ENTREP2: variants seen among roughly 807,000 people sequenced by gnomAD.
ENTREP2 encodes the protein protein ENTREP2.
the ENTREP2 span, chr15:29,234,041 C>T: frequency 4.8e-6 from 7 of 1,460,670 alleles, no homozygotes; most frequent in East Asian, 1.4e-4. Flanking sequence ...AGATCTTCCT[C>T]ATCCTCTATT....
the ENTREP2 span, among the ~76,000 whole-genome samples, chr15:29,356,283 TATATATATATA>T: frequency 3.7e-5 from 2 of 53,872 alleles, no homozygotes; most frequent in African/African-American, 2.0e-4. Flanking sequence ...TATATATATA[TATATATATATA>T]TATTTTTTTT....
chr15:29,486,909 T>C, the ENTREP2 span, among the ~76,000 whole-genome samples: 1 of 151,916 alleles, frequency 6.6e-6, no homozygotes, highest in Non-Finnish European at 1.5e-5. Flanking sequence ...GGGAGGATGA[T>C]GAGAGGTTGG....
At chr15:29,516,832 C>T in the ENTREP2 span, among the ~76,000 whole-genome samples, 2 of 151,792 alleles carry the variant, frequency 1.3e-5, no homozygotes, top group South Asian at 2.1e-4. Context: ...TATCCCTGGG[C>T]GGGCAGCACA....
At chr15:29,640,811 A>G in the ENTREP2 span, among the ~76,000 whole-genome samples, 1 of 152,222 alleles carries the variant, frequency 6.6e-6, no homozygotes, top group Non-Finnish European at 1.5e-5. Flanking sequence ...AGAAGCCAAC[A>G]CTTTCCAACT....
At chr15:29,585,791 A>G in the ENTREP2 span, among the ~76,000 whole-genome samples, 2 of 150,990 alleles carry the variant, frequency 1.3e-5, no homozygotes, top group African/African-American at 2.4e-5. Context: ...AGAAGGCGGA[A>G]CTTGCAGTGA....
the ENTREP2 span, among the ~76,000 whole-genome samples, chr15:29,526,955 CG>C: frequency 6.6e-5 from 10 of 152,122 alleles, no homozygotes; most frequent in South Asian, 2.1e-4. Context: ...CTGTGGAATC[CG>C]GGGGGCACGT....
chr15:29,174,697 C>CAA, the ENTREP2 span, among the ~76,000 whole-genome samples: 1 of 106,052 alleles, frequency 9.4e-6, no homozygotes, highest in Admixed American at 9.5e-5. Flanking sequence ...CTAAACAAAA[C>CAA]AAAACAAAAC....
the ENTREP2 span, among the ~76,000 whole-genome samples, chr15:29,670,971 GA>G: frequency 1.3e-5 from 2 of 152,328 alleles, no homozygotes; most frequent in South Asian, 4.1e-4. Context: ...GCTGGTCCCA[GA>G]AAGACCAAGG....
the ENTREP2 span, among the ~76,000 whole-genome samples, chr15:29,496,118 T>A: frequency 6.6e-6 from 1 of 151,952 alleles, no homozygotes; most frequent in Non-Finnish European, 1.5e-5. Flanking sequence ...AGATCTTGCA[T>A]CTCCTTATTT....
chr15:29,139,613 G>A, the ENTREP2 span, among the ~76,000 whole-genome samples: 1 of 152,222 alleles, frequency 6.6e-6, no homozygotes, highest in African/African-American at 2.4e-5. Flanking sequence ...AGGAGGGGCA[G>A]AGGTGCAAGG....
chr15:29,291,383 G>A, the ENTREP2 span, among the ~76,000 whole-genome samples: 3 of 152,156 alleles, frequency 2.0e-5, no homozygotes, highest in Admixed American at 2.0e-4. Context: ...TGCTACTGGG[G>A]TCAGATGGAC....
chr15:29,259,300 A>T, the ENTREP2 span, among the ~76,000 whole-genome samples: 1 of 152,236 alleles, frequency 6.6e-6, no homozygotes, highest in African/African-American at 2.4e-5. Flanking sequence ...ACCACATTAC[A>T]ATATTCAAAA....
At chr15:29,649,449 G>A in the ENTREP2 span, among the ~76,000 whole-genome samples, 2 of 152,114 alleles carry the variant, frequency 1.3e-5, no homozygotes, top group South Asian at 2.1e-4. Flanking sequence ...GGCCAGGCGC[G>A]ATGGCTCACA....
At chr15:29,534,106 C>CAAAAAAAAAA in the ENTREP2 span, among the ~76,000 whole-genome samples, 1 of 44,908 alleles carries the variant, frequency 2.2e-5, no homozygotes, top group African/African-American at 8.0e-5. Context: ...GCCCCTTGGC[C>CAAAAAAAAAA]AAAAAAAAAA....
At chr15:29,605,615 T>C in the ENTREP2 span, among the ~76,000 whole-genome samples, 18 of 152,234 alleles carry the variant, frequency 1.2e-4, no homozygotes, top group African/African-American at 4.3e-4. Context: ...GGCAGGCAGA[T>C]CACCTGAGGT....
chr15:29,479,684 TACACAC>T, the ENTREP2 span, among the ~76,000 whole-genome samples: 70,671 of 147,924 alleles, frequency 0.48, 17,018 homozygotes, highest in African/African-American at 0.6. Context: ...CACACATACA[TACACAC>T]ACACACACAC....
At chr15:29,164,728 G>T in the ENTREP2 span, among the ~76,000 whole-genome samples, 1 of 152,106 alleles carries the variant, frequency 6.6e-6, no homozygotes, top group South Asian at 2.1e-4. Context: ...CACAATAATA[G>T]TGGGGGACTT....
chr15:29,331,358 C>A, the ENTREP2 span, among the ~76,000 whole-genome samples: 1 of 151,942 alleles, frequency 6.6e-6, no homozygotes, highest in African/African-American at 2.4e-5. Context: ...GGACACCTCT[C>A]ATACTACCCT....
the ENTREP2 span, among the ~76,000 whole-genome samples, chr15:29,400,318 G>A: frequency 6.6e-6 from 1 of 152,160 alleles, no homozygotes; most frequent in Non-Finnish European, 1.5e-5. Context: ...CAAAAAGGCA[G>A]AATATCTTAG....
Sources: gnomAD v4.1 joint callset for allele counts (sites outside exome capture counted in the v4.1 genomes callset) on GRCh38, gnomAD v4.1.1 for gene constraint, MANE v1.5 for transcripts, NCBI Gene and HGNC (gene_info 2026-07-23, HGNC 2026-07-21) for gene names.